The following PDE1C variants were observed in gnomAD, a reference collection of about 807,000 sequenced individuals.
The protein encoded by PDE1C is phosphodiesterase 1C, also known as dual specificity calcium/calmodulin-dependent 3',5'-cyclic nucleotide phosphodiesterase 1C.
Under a neutral mutation model 93.1 loss-of-function variants are expected in PDE1C, and 62 were observed. That is an observed-to-expected ratio of 0.67 (90% CI 0.54 to 0.82). The LOEUF is 0.82. PDE1C is among the 40% of genes least tolerant of loss of function. PDE1C has a pLI of 0.00. For synonymous variants in PDE1C, 325 were observed against 310.1 expected (o/e 1.05, Z -0.50); for missense variants, 742 against 884.6 (o/e 0.84, Z 2.04).
intron 3 of PDE1C, among the ~76,000 whole-genome samples, chr7:32,138,633 T>A (rs1800339454): frequency 6.6e-6 from 1 of 151,902 alleles, no homozygotes; most frequent in Non-Finnish European, 1.5e-5. Flanking sequence ...TACCCAAGAG[T>A]TGAGGTTTGT....
Position 32,237,765 on chromosome 7 carries a change from T to A in PDE1C, c.86-28226A>T, listed in dbSNP as rs376991625. Among the ~76,000 whole-genome samples, 595 of 73,812 alleles carry A rather than the reference T, an allele frequency of 8.1e-3. 3 individuals carry two copies. The highest frequency in any genetic ancestry group is 8.9e-3 in the Non-Finnish European group (359 of 40,178). The allele number at this position is 73,812 out of a possible 152,430, so 48.4% of individuals were successfully genotyped here. ...GTGTATATATATATATATATATACT[T>A]TTTTTTTTTTTTTTTTTTTTTTTAG... On this transcript the variant is annotated intron_variant, in intron 1 of 18. Transcript: ENST00000396193.
At chr7:32,361,225 T>C (rs73092193) in intron 1 of PDE1C, among the ~76,000 whole-genome samples, 9,861 of 152,198 alleles carry the variant, frequency 0.065, 480 homozygotes, top group South Asian at 0.21. Flanking sequence ...TCCAGCTGAG[T>C]TCTGCCTCCA....
intron 3 of PDE1C, among the ~76,000 whole-genome samples, chr7:32,085,805 A>C (rs1375350576): frequency 6.7e-6 from 1 of 149,788 alleles, no homozygotes; most frequent in Non-Finnish European, 1.5e-5. Flanking sequence ...ATTCAACAAC[A>C]TTTCATGCTA....
At chr7:31,692,371 G>A in the PDE1C span, 1 of 1,230,848 alleles carries the variant, frequency 8.1e-7, no homozygotes, top group Non-Finnish European at 1.2e-6. Flanking sequence ...AATAAACAGA[G>A]CCATACTTAT....
chr7:31,643,591 G>A, the PDE1C span: 1 of 1,614,060 alleles, frequency 6.2e-7, no homozygotes, highest in Non-Finnish European at 8.5e-7. Context: ...CACTGTGTGT[G>A]ATCCTGTTAC....
chr7:31,939,337 C>A (rs1254698391), intron 2 of PDE1C, among the ~76,000 whole-genome samples: 1 of 152,120 alleles, frequency 6.6e-6, no homozygotes, highest in Non-Finnish European at 1.5e-5. Context: ...ATAGACCACA[C>A]CGCTGAGTCT....
intron 1 of PDE1C, among the ~76,000 whole-genome samples, chr7:32,355,758 G>C (rs1298053967): frequency 3.9e-5 from 6 of 152,158 alleles, no homozygotes; most frequent in Non-Finnish European, 7.3e-5. Context: ...CAACTCCCTG[G>C]TTTGTCCCAG....
At chr7:32,019,021 T>C (rs544816162) in intron 2 of PDE1C, among the ~76,000 whole-genome samples, 1 of 152,012 alleles carries the variant, frequency 6.6e-6, no homozygotes, top group African/African-American at 2.4e-5. Flanking sequence ...CCCTGACTGA[T>C]ACATTAACTC....
intron 2 of PDE1C, among the ~76,000 whole-genome samples, chr7:31,905,230 T>C (rs1404041608): frequency 6.6e-6 from 1 of 152,144 alleles, no homozygotes; most frequent in Non-Finnish European, 1.5e-5. Flanking sequence ...AGAGAGAACA[T>C]CTGTATTGTT....
chr7:32,206,282 G>C (rs1442590640), intron 2 of PDE1C, among the ~76,000 whole-genome samples: 3 of 152,076 alleles, frequency 2.0e-5, no homozygotes, highest in African/African-American at 4.8e-5. Context: ...GGAGCAGGGG[G>C]AAAGGAGCAG....
rs148743091 is a variant in PDE1C, at chr7:32,359,665, T to G, written c.310+68157A>C. On this transcript the variant is annotated intron_variant, in intron 1 of 1. Coordinates refer to the PDE1C transcript ENST00000672256. ...TGTTTCTATAAATGATCATTCTTTT[T>G]ACCTTATTTAAATATAAATTGTATA... 2.0e-3 allele frequency among the ~76,000 whole-genome samples: 311 copies of G among 152,392 alleles called. 2 individuals carry two copies. The highest frequency in any genetic ancestry group is 3.3e-3 in the Non-Finnish European group (224 of 68,044).
At chr7:32,232,139 A>G (rs1466891302) in intron 1 of PDE1C, among the ~76,000 whole-genome samples, 1 of 152,166 alleles carries the variant, frequency 6.6e-6, no homozygotes, top group African/African-American at 2.4e-5. Context: ...CAGACAGATT[A>G]AGGGAAAAAA....
At chr7:31,684,767 C>T in the PDE1C span, among the ~76,000 whole-genome samples, 1 of 152,176 alleles carries the variant, frequency 6.6e-6, no homozygotes, top group Non-Finnish European at 1.5e-5. Context: ...ATACTGGCAA[C>T]ACCAAATTCT....
At chr7:32,201,534 T>C (rs1216300877) in intron 2 of PDE1C, among the ~76,000 whole-genome samples, 1 of 151,862 alleles carries the variant, frequency 6.6e-6, no homozygotes, top group Non-Finnish European at 1.5e-5. Context: ...TTGAAAGGAG[T>C]AGGACGTGAG....
At chr7:31,646,238 G>A in the PDE1C span, among the ~76,000 whole-genome samples, 1 of 152,158 alleles carries the variant, frequency 6.6e-6, no homozygotes, top group Non-Finnish European at 1.5e-5. Flanking sequence ...GCAAACCACA[G>A]CACCCAGAGA....
At position 32,008,021 on chromosome 7, in the gene PDE1C, A is replaced by G. The variant is rs56048961; in HGVS notation, c.128+43533T>C. On this transcript the variant is annotated intron_variant, in intron 2 of 17. Coordinates refer to ENST00000396191, the MANE Select transcript of PDE1C (RefSeq NM_001191057.4). ...TTATCTACAAACAAAATATCCAGAT[A>G]TCAATTCAAGCATGGTTTTTGGTAT... Among the ~76,000 whole-genome samples, 1,291 of 152,338 alleles carry G rather than the reference A, an allele frequency of 8.5e-3. 18 individuals are homozygous for G. The highest frequency in any genetic ancestry group is 0.03 in the African/African-American group (1,243 of 41,582).
chr7:31,661,536 A>C, the PDE1C span, among the ~76,000 whole-genome samples: 1 of 151,992 alleles, frequency 6.6e-6, no homozygotes, highest in East Asian at 1.9e-4. Context: ...AACATGGTGA[A>C]TCCCCATCTC....
At position 32,298,043 on chromosome 7, in the gene PDE1C, TCTCTCTCTCTCTCTCTCTCTCC is replaced by T. The variant is rs1367663396; in HGVS notation, c.85+586_85+607del. Among the ~76,000 whole-genome samples the T allele has an allele frequency of 3.0e-3, 211 of 71,066 alleles. 57 individuals are homozygous for T. The highest frequency in any genetic ancestry group is 3.5e-3 in the Non-Finnish European group (131 of 36,968). 46.6% of individuals were successfully genotyped at this position (71,066 alleles called of 152,430 possible). A position where few individuals can be genotyped will look rare whatever the true frequency, so the allele number is the denominator to read the frequency against. Reference sequence around the variant, plus strand: ...CTCTCTCTCTCTCTCTCTCTCTCTCTCTCTCTCTCTCTCTCTCTCTCCCCTCTCTCTCTGAATTCCCCGGTCT... The same window carrying T: ...CTCTCTCTCTCTCTCTCTCTCTCTCTCCTCTCTCTCTGAATTCCCCGGTCT... On this transcript the variant is annotated intron_variant, in intron 1 of 18. Transcript: ENST00000396193.
At chr7:31,988,543 AT>A (rs1205148412) in intron 2 of PDE1C, among the ~76,000 whole-genome samples, 2 of 151,950 alleles carry the variant, frequency 1.3e-5, no homozygotes, top group Non-Finnish European at 2.9e-5. Context: ...GGCCTCTATA[AT>A]TTTTTTTAAT....
Sources: allele counts gnomAD v4.1 joint callset (sites outside exome capture counted in the v4.1 genomes callset), GRCh38; gene constraint gnomAD v4.1.1; transcripts MANE v1.5; gene names NCBI Gene and HGNC (gene_info 2026-07-23, HGNC 2026-07-21).